GRK3: variants seen among roughly 807,000 people sequenced by gnomAD.
GRK3 encodes G protein-coupled receptor kinase 3.
A neutral mutation model predicts 95.7 loss-of-function variants in GRK3; 54 were observed. The observed-to-expected ratio is 0.56, with a 90% CI of 0.45 to 0.71. The LOEUF is 0.71. Ranked by LOEUF, GRK3 falls within the 30% of genes least tolerant of loss-of-function variation. The pLI is 0.00. For missense variants in GRK3, 649 were observed against 851.2 expected (o/e 0.76, Z 2.96); for synonymous variants, 281 against 290.8 (o/e 0.97, Z 0.34).
chr22:25,588,951 T>C (rs1484768558), intron 1 of GRK3, among the ~76,000 whole-genome samples: 3 of 152,020 alleles, frequency 2.0e-5, no homozygotes, highest in East Asian at 3.9e-4. Context: ...AATTTGTTTT[T>C]GTAGAGAGGG....
intron 13 of GRK3, among the ~76,000 whole-genome samples, chr22:25,699,967 G>A (rs1362619924): frequency 6.6e-6 from 1 of 152,154 alleles, no homozygotes; most frequent in Admixed American, 6.5e-5. Context: ...CAAAGTGCTG[G>A]GATTACAGGC....
intron 1 of GRK3, among the ~76,000 whole-genome samples, chr22:25,588,807 C>T (rs766449081): frequency 2.1e-5 from 3 of 144,962 alleles, no homozygotes; most frequent in Middle Eastern, 3.6e-3. Context: ...CAAGGTTTGT[C>T]GCCCAGGCTG....
chr22:25,579,430 G>A (rs2146317195), intron 1 of GRK3, among the ~76,000 whole-genome samples: 1 of 151,902 alleles, frequency 6.6e-6, no homozygotes, highest in East Asian at 1.9e-4. Flanking sequence ...GCAGGCTTGA[G>A]CCTCTGTGCC....
At chr22:25,687,154 T>A (rs957633363) in intron 10 of GRK3, among the ~76,000 whole-genome samples, 4 of 152,036 alleles carry the variant, frequency 2.6e-5, no homozygotes, top group African/African-American at 9.7e-5. Context: ...TTGTTTTTTT[T>A]TGTCTATCCA....
In GRK3 at chr22:25,644,590, A is replaced by G; in HGVS notation, c.191-2A>G. The stretch of plus-strand genomic sequence containing the variant: ...CTGAAATTTTTTATTTTTTTCCTTT[A>G]GGTTTCTTGCTATTTAAAGATTTTT... On this transcript the variant is annotated splice_acceptor_variant, in intron 2 of 20. Coordinates refer to ENST00000324198, the MANE Select transcript of GRK3 (RefSeq NM_005160.4). LOFTEE classifies it high-confidence loss of function. 2 of 1,489,524 alleles carry G rather than the reference A, an allele frequency of 1.3e-6. No homozygotes were observed. Among genetic ancestry groups the G allele is most frequent in the Non-Finnish European group, 1.8e-6 (2 of 1,083,026 alleles). The allele number at this position is 1,489,524 out of a possible 1,614,324, so 92.3% of individuals were successfully genotyped here.
At chr22:25,656,961 G>A (rs1049363867) in intron 3 of GRK3, among the ~76,000 whole-genome samples, 1 of 152,156 alleles carries the variant, frequency 6.6e-6, no homozygotes, top group South Asian at 2.1e-4. Context: ...TTAGGCTAAA[G>A]TTGTGGCCAA....
intron 2 of GRK3, among the ~76,000 whole-genome samples, chr22:25,606,238 C>A (rs563043113): frequency 1.3e-5 from 2 of 152,344 alleles, no homozygotes; most frequent in Non-Finnish European, 2.9e-5. Context: ...TAAATAATTT[C>A]TTCTGTTCCC....
intron 17 of GRK3, among the ~76,000 whole-genome samples, chr22:25,713,307 G>A (rs1038524613): frequency 2.0e-5 from 3 of 152,158 alleles, no homozygotes; most frequent in Admixed American, 6.5e-5. Flanking sequence ...CAACTGAGGG[G>A]CTCAGCTATG....
At chr22:25,590,500 A>C (rs1184248189) in intron 1 of GRK3, among the ~76,000 whole-genome samples, 1 of 152,114 alleles carries the variant, frequency 6.6e-6, no homozygotes, top group Non-Finnish European at 1.5e-5. Context: ...TCAGGGTTTT[A>C]CTTACTGCAT....
At chr22:25,664,709 C>G (rs976375257) in intron 5 of GRK3, among the ~76,000 whole-genome samples, 1 of 151,724 alleles carries the variant, frequency 6.6e-6, no homozygotes, top group African/African-American at 2.4e-5. Flanking sequence ...TTAGTAGAGA[C>G]GGGGTTTCAT....
At chr22:25,638,219 C>A (rs934095773) in intron 2 of GRK3, among the ~76,000 whole-genome samples, 2 of 152,152 alleles carry the variant, frequency 1.3e-5, no homozygotes, top group African/African-American at 4.8e-5. Flanking sequence ...GATGCAAAGT[C>A]CTTGGATGAT....
In GRK3 at chr22:25,694,740, A is replaced by G. The variant is rs181509856; in HGVS notation, c.1053-367A>G. 2.4e-3 allele frequency among the ~76,000 whole-genome samples: 368 copies of G among 152,156 alleles called. 2 individuals are homozygous for G. The highest frequency in any genetic ancestry group is 0.024 in the Middle Eastern group (7 of 294). On this transcript the variant is annotated intron_variant, in intron 12 of 20. Transcript: ENST00000324198. ...GCCGCAGCGTGGTCGCCTGTTCATCATCCGTTCACTCCTCCCTTTCCCTGC... is the reference window on the plus strand; with the variant it reads ...GCCGCAGCGTGGTCGCCTGTTCATCGTCCGTTCACTCCTCCCTTTCCCTGC...
rs193027099 is a variant in GRK3 at position 25,571,195 on chromosome 22, C to T, written c.113+6042C>T. On this transcript the variant is annotated intron_variant, in intron 1 of 20. Transcript: ENST00000324198. ...AAGCCACTGTCATTGCTGGGCCCCT[C>T]GTTTTCCTGTGCCATCCCTACTACC... is the stretch of plus-strand genomic sequence containing the variant. Among the ~76,000 whole-genome samples, 507 of 152,280 alleles carry T rather than the reference C, an allele frequency of 3.3e-3. 2 individuals are homozygous for T. Among genetic ancestry groups the T allele is most frequent in the Non-Finnish European group, 5.3e-3 (362 of 68,026 alleles).
chr22:25,672,294 A>G lies in GRK3; in HGVS notation c.504-2A>G. 5 of 1,374,182 alleles carry G rather than the reference A, an allele frequency of 3.6e-6. No individual in the cohort carries two copies. The highest frequency in any genetic ancestry group is 5.1e-6 in the Non-Finnish European group (5 of 982,188). 85.1% of individuals were successfully genotyped at this position (1,374,182 alleles called of 1,614,324 possible). On this transcript the variant is annotated splice_acceptor_variant, in intron 6 of 20. Coordinates refer to ENST00000324198, the MANE Select transcript of GRK3 (RefSeq NM_005160.4). LOFTEE classifies it high-confidence loss of function. The stretch of plus-strand genomic sequence containing the variant: ...TTTAGTAATTATTTTATTCTCTTTT[A>G]GTGACAAGTTCACTAGATTTTGTCA...
chr22:25,636,688 C>T (rs2084703953), intron 2 of GRK3, among the ~76,000 whole-genome samples: 1 of 152,156 alleles, frequency 6.6e-6, no homozygotes, highest in Non-Finnish European at 1.5e-5. Context: ...TAGAAAGTTC[C>T]TTCATGCCTC....
At chr22:25,677,377 T>TAAAAAAAAAAAAAAAAAAAA (rs376997700) in intron 8 of GRK3, among the ~76,000 whole-genome samples, 1 of 42,554 alleles carries the variant, frequency 2.3e-5, no homozygotes, top group African/African-American at 1.0e-4. Flanking sequence ...CCCCATATCT[T>TAAAAAAAAAAAAAAAAAAAA]AAAAAAAAAA....
At chr22:25,721,116 T>C (rs2085429028) in intron 19 of GRK3, among the ~76,000 whole-genome samples, 168 bp from the exon 20 acceptor site, 1 of 152,230 alleles carries the variant, frequency 6.6e-6, no homozygotes. Flanking sequence ...TTTGAACTTT[T>C]GTTTGTGTTC....
intron 18 of GRK3, among the ~76,000 whole-genome samples, chr22:25,715,585 A>G (rs2085377701): frequency 6.6e-6 from 1 of 152,254 alleles, no homozygotes; most frequent in Non-Finnish European, 1.5e-5. Flanking sequence ...CAAGTAGGAA[A>G]CATAAGTTTT....
intron 1 of GRK3, among the ~76,000 whole-genome samples, chr22:25,579,809 T>C (rs879917279): frequency 5.9e-5 from 9 of 151,940 alleles, no homozygotes; most frequent in Non-Finnish European, 1.0e-4. Context: ...AGCAAATTAA[T>C]GTGGAAGGAA....
Sources: gnomAD v4.1 joint callset for allele counts (sites outside exome capture counted in the v4.1 genomes callset) on GRCh38, gnomAD v4.1.1 for gene constraint, MANE v1.5 for transcripts, NCBI Gene and HGNC (gene_info 2026-07-23, HGNC 2026-07-21) for gene names.